Variants in ZBTB38 observed in about 807,000 individuals in gnomAD.
The protein encoded by ZBTB38 is zinc finger and BTB domain containing 38.
A neutral mutation model predicts 76.8 loss-of-function variants in ZBTB38; 20 were observed. The ratio of observed to expected loss-of-function variants is 0.26; its 90% CI spans 0.18 to 0.38. The LOEUF (loss-of-function observed/expected upper bound fraction) is 0.38, where lower values mean the gene tolerates loss of function less well. Ranked by LOEUF, ZBTB38 falls within the 10% of genes least tolerant of loss-of-function variation. ZBTB38 has a pLI of 1.00. For missense variants in ZBTB38, 1,082 were observed against 1,482.3 expected (o/e 0.73, Z 4.43); for synonymous variants, 504 against 544.2 (o/e 0.93, Z 1.03).
chr3:141,418,613 TTC>T (rs1324945995), intron 5 of ZBTB38, among the ~76,000 whole-genome samples: 1 of 152,220 alleles, frequency 6.6e-6, no homozygotes, highest in Non-Finnish European at 1.5e-5. Flanking sequence ...GAGGAAATCA[TTC>T]TGTTTCTTAG....
chr3:141,371,310 C>A (rs1425403845), intron 2 of ZBTB38, among the ~76,000 whole-genome samples: 1 of 151,690 alleles, frequency 6.6e-6, no homozygotes, highest in African/African-American at 2.4e-5. Flanking sequence ...CTTGGCCTGC[C>A]AAAGTGCTGA....
In ZBTB38 at chr3:141,442,962, G is replaced by A. The variant is rs2080555865; in HGVS notation, c.574G>A (p.Val192Ile). The A allele has an allele frequency of 6.2e-7, 1 of 1,614,210 alleles. No individual in the cohort carries two copies. Among genetic ancestry groups the A allele is most frequent in the East Asian group, 2.2e-5 (1 of 44,886 alleles). ...PLDLRASFKK[V>I]SDSMRTASLC... Reference sequence around the variant, plus strand: ...GGACTTGAGGGCAAGTTTCAAAAAGGTCTCCGACTCCATGAGAACAGCTAG... The same window carrying A: ...GGACTTGAGGGCAAGTTTCAAAAAGATCTCCGACTCCATGAGAACAGCTAG... The change falls in exon 6 of 6, where the codon GTC becomes ATC. Residue 192 changes from valine (V) to isoleucine (I), a missense_variant. Transcript: ENST00000321464. The surrounding 1 kb of genome is among the most constrained non-coding windows in gnomAD (Gnocchi z 6.4).
intron 1 of ZBTB38, among the ~76,000 whole-genome samples, chr3:141,356,023 C>T (rs1403703952): frequency 1.0e-5 from 1 of 98,386 alleles, no homozygotes; most frequent in Non-Finnish European, 1.8e-5. Context: ...ATTAACTTCT[C>T]TGCCACTCTG....
At chr3:141,354,519 G>A (rs1943607147) in intron 1 of ZBTB38, among the ~76,000 whole-genome samples, 1 of 152,016 alleles carries the variant, frequency 6.6e-6, no homozygotes, top group Non-Finnish European at 1.5e-5. Flanking sequence ...GAAATTGGAT[G>A]GGCAAAAGTT....
chr3:141,370,229 G>A (rs1447043614), intron 2 of ZBTB38, among the ~76,000 whole-genome samples: 1 of 152,192 alleles, frequency 6.6e-6, no homozygotes. Flanking sequence ...GTAGAGAGGG[G>A]CTTTGCCTTC....
At chr3:141,396,334 C>T (rs1198705088) in intron 4 of ZBTB38, 1 of 153,570 alleles carries the variant, frequency 6.5e-6, no homozygotes, top group Non-Finnish European at 1.4e-5. Context: ...GAAGCAACTC[C>T]TCATCTGATC....
chr3:141,444,670 C>T lies in ZBTB38; in HGVS notation c.2282C>T (p.Pro761Leu), dbSNP rs774602048. Residue 761 changes from proline (P) to leucine (L), a missense_variant, in exon 6 of 6, where the codon CCA (proline) becomes CTA (leucine). Transcript: ENST00000321464. The surrounding 1 kb of genome is among the most constrained non-coding windows in gnomAD (Gnocchi z 5.1). ...CTGAAAGATGACAGTAAGCCCGAGC[C>T]AGATAAAGTGGGTAGGTTTGCAAGC... ...QSLKDDSKPE[P>L]DKVGRFASRP... The T allele has an allele frequency of 1.9e-6, 3 of 1,613,946 alleles. No homozygotes were observed. The highest frequency in any genetic ancestry group is 3.3e-5 in the Admixed American group (2 of 59,984).
chr3:141,362,471 T>C (rs1344961141), intron 1 of ZBTB38, among the ~76,000 whole-genome samples: 1 of 152,178 alleles, frequency 6.6e-6, no homozygotes, highest in African/African-American at 2.4e-5. Context: ...AAAAACATTT[T>C]TAATCCAACA....
Position 141,395,525 on chromosome 3 carries a change from G to A in ZBTB38, c.-105-8402G>A, listed in dbSNP as rs187480273. 5.7e-4 allele frequency among the ~76,000 whole-genome samples: 87 copies of A among 152,108 alleles called. 1 individual carries two copies. The highest frequency in any genetic ancestry group is 4.2e-3 in the Admixed American group (64 of 15,274). ...GTCAAGACAAAACTGAAGATACTTC[G>A]TAGGTATTTATATAACAAGTGACAA... On this transcript the variant is annotated intron_variant, in intron 4 of 5. Transcript: ENST00000321464.
At chr3:141,369,096 C>T (rs1350879639) in intron 1 of ZBTB38, among the ~76,000 whole-genome samples, 1 of 151,636 alleles carries the variant, frequency 6.6e-6, no homozygotes. Flanking sequence ...TCCTCTTCCT[C>T]CCCTCACCTG....
chr3:141,433,326 G>GTTTTTTT (rs61237374), intron 5 of ZBTB38, among the ~76,000 whole-genome samples: 1 of 147,238 alleles, frequency 6.8e-6, no homozygotes, highest in African/African-American at 2.5e-5. Context: ...CTTTTGTTTT[G>GTTTTTTT]TTTTTTTTTG....
At chr3:141,405,906 G>C (rs141296462) in intron 5 of ZBTB38, 56 of 152,292 alleles carry the variant, frequency 3.7e-4, no homozygotes, top group Admixed American at 1.9e-3. Flanking sequence ...AGGAGGAAGG[G>C]GTCCCTTTTA....
intron 5 of ZBTB38, among the ~76,000 whole-genome samples, chr3:141,431,337 A>ATATATATATATAT (rs1320311107): frequency 9.8e-6 from 1 of 101,990 alleles, no homozygotes; most frequent in African/African-American, 5.9e-5. Context: ...AAAAAAAAAA[A>ATATATATATATAT]AAAAATATAT....
intron 2 of ZBTB38, among the ~76,000 whole-genome samples, chr3:141,376,254 T>G (rs1945338993): frequency 6.6e-6 from 1 of 152,106 alleles, no homozygotes; most frequent in Admixed American, 6.5e-5. Flanking sequence ...GAAATCAACT[T>G]TAGTTTCCTC....
At chr3:141,393,379 A>G (rs1171725670) in intron 4 of ZBTB38, among the ~76,000 whole-genome samples, 1 of 152,216 alleles carries the variant, frequency 6.6e-6, no homozygotes, top group Admixed American at 6.5e-5. Flanking sequence ...AAGCCAGTGA[A>G]GCCAGAAAAC....
At chr3:141,418,215 A>G (rs1490855897) in intron 5 of ZBTB38, among the ~76,000 whole-genome samples, 1 of 152,116 alleles carries the variant, frequency 6.6e-6, no homozygotes, top group African/African-American at 2.4e-5. Context: ...TTTCATGACC[A>G]GGCCCCACCA....
chr3:141,433,750 A>G lies in ZBTB38; in HGVS notation c.1-8639A>G, dbSNP rs552297365. 2.3e-4 allele frequency among the ~76,000 whole-genome samples: 35 copies of G among 152,354 alleles called. No individual in the cohort carries two copies. In the South Asian group the frequency reaches 7.2e-3, roughly 32 times the overall value. On this transcript the variant is annotated intron_variant, in intron 5 of 5. Transcript: ENST00000321464. ...CTCTGCTCCTGCCTTCAGCCGTGGT[A>G]TGCTGTTTTAGTTGAAGTATATAAA...
Position 141,445,450 on chromosome 3 carries a change from G to T in ZBTB38, c.3062G>T (p.Ser1021Ile). ...GAGCTCTGCGCCAAGCAGTTCCAGA[G>T]CCCTTCCACACTCAAAATGCACATG... ...ACELCAKQFQSPSTLKMHMRC... is the reference protein window; with the variant it reads ...ACELCAKQFQIPSTLKMHMRC... The change falls in exon 6 of 6, where the codon AGC (serine) becomes ATC (isoleucine). Residue 1021 changes from serine (S) to isoleucine (I), a missense_variant. By Grantham distance (142) the Ser-to-Ile change is moderately radical. This residue lies in a region of ZBTB38 where 471 missense variants were observed against 581.0 expected (regional missense o/e 0.81). Transcript: ENST00000321464. The surrounding 1 kb of genome is among the most constrained non-coding windows in gnomAD (Gnocchi z 6.5). 6.2e-7 allele frequency: 1 copy of T among 1,614,168 alleles called. No homozygotes were observed. The highest frequency in any genetic ancestry group is 8.5e-7 in the Non-Finnish European group (1 of 1,180,034).
rs775415331 is a variant in ZBTB38, at chr3:141,413,764, C to G, written c.-1+9733C>G. ...TGAAATGCTTATTAGGAGTTAAGTA[C>G]CCCTTTTTCTTGAAGCTTGAACAGA... On this transcript the variant is annotated intron_variant, in intron 5 of 5. Transcript: ENST00000321464. The surrounding 1 kb of genome is among the most constrained non-coding windows in gnomAD (Gnocchi z 4.1). Among the ~76,000 whole-genome samples, 90 of 152,134 alleles carry G rather than the reference C, an allele frequency of 5.9e-4. No homozygotes were observed. The highest frequency in any genetic ancestry group is 1.2e-3 in the Non-Finnish European group (80 of 68,008).
Sources: gnomAD v4.1 joint callset for allele counts (sites outside exome capture counted in the v4.1 genomes callset) on GRCh38, gnomAD v4.1.1 for gene constraint, gnomAD v4.1.1 regional missense constraint, Gnocchi (gnomAD v3.1) non-coding constraint, MANE v1.5 for transcripts, NCBI Gene and HGNC (gene_info 2026-07-23, HGNC 2026-07-21) for gene names.